The following ZNF410 variants were observed in gnomAD, a reference collection of about 807,000 sequenced individuals.
ZNF410 encodes zinc finger protein 410, also known as another partner for ARF 1.
ZNF410 carries 18 observed loss-of-function variants against 54.8 expected under a neutral mutation model. The ratio of observed to expected loss-of-function variants is 0.33; its 90% CI spans 0.23 to 0.49. The LOEUF is 0.49. Ranked by LOEUF, ZNF410 falls within the 20% of genes least tolerant of loss-of-function variation. The pLI is 0.99. For synonymous variants in ZNF410, 191 were observed against 207.3 expected (o/e 0.92, Z 0.68); for missense variants, 405 against 569.6 (o/e 0.71, Z 2.94).
chr14:73,891,711 G>A (rs559813252), intron 1 of ZNF410: 69 of 288,434 alleles, frequency 2.4e-4, no homozygotes, highest in African/African-American at 1.5e-3. Context: ...CCCTAATTGG[G>A]GGTGTGTGTG....
chr14:73,893,764 C>G (rs375512584), intron 2 of ZNF410, 33 bp from the exon 3 acceptor site: 1 of 1,577,510 alleles, frequency 6.3e-7, no homozygotes, highest in Non-Finnish European at 8.6e-7. Flanking sequence ...TCTAACAACT[C>G]GTATTTCTCA....
intron 5 of ZNF410, among the ~76,000 whole-genome samples, chr14:73,900,433 G>A (rs2055387917): frequency 6.7e-6 from 1 of 150,112 alleles, no homozygotes; most frequent in African/African-American, 2.5e-5. Context: ...GGAGTGCAGC[G>A]GCGCAATCTC....
At chr14:73,898,387 G>A in intron 5 of ZNF410, 125 bp downstream of exon 5, 1 of 1,060,690 alleles carries the variant, frequency 9.4e-7, no homozygotes, top group Non-Finnish European at 1.3e-6. Context: ...CTAGAAATCT[G>A]TAAATTGTTT....
chr14:73,910,146 G>GT (rs1024958254), intron 8 of ZNF410, among the ~76,000 whole-genome samples: 2 of 152,182 alleles, frequency 1.3e-5, no homozygotes, highest in African/African-American at 4.8e-5. Flanking sequence ...GGGGAAGGTA[G>GT]TTTAAGAAGG....
intron 5 of ZNF410, among the ~76,000 whole-genome samples, chr14:73,901,130 T>C (rs1385299426): frequency 1.3e-5 from 2 of 152,232 alleles, no homozygotes; most frequent in Non-Finnish European, 2.9e-5. Context: ...TAATTTTGCA[T>C]AAGATGTTGT....
intron 1 of ZNF410, chr14:73,887,400 C>G (rs970902176): frequency 6.6e-6 from 1 of 152,314 alleles, no homozygotes; most frequent in Non-Finnish European, 1.5e-5. Flanking sequence ...GCTGCCTACT[C>G]GGCTGGGCTG....
chr14:73,910,335 T>A (rs555456082), intron 8 of ZNF410, among the ~76,000 whole-genome samples: 41 of 152,224 alleles, frequency 2.7e-4, no homozygotes, highest in Non-Finnish European at 5.3e-4. Flanking sequence ...GCAGGGAGCA[T>A]GGAAAGAGAC....
Position 73,922,080 on chromosome 14 carries a change from G to T in ZNF410, c.1144G>T (p.Gly382Cys). 6.2e-7 allele frequency: 1 copy of T among 1,614,076 alleles called. No homozygotes were observed. The highest frequency in any genetic ancestry group is 8.5e-7 in the Non-Finnish European group (1 of 1,179,994). Residue 382 changes from glycine to cysteine, a missense_variant, in exon 10 of 12, where the codon GGC (glycine) becomes TGC (cysteine). This residue lies in a region of ZNF410 where 127 missense variants were observed against 141.3 expected (regional missense o/e 0.90). Coordinates refer to ENST00000555044, the MANE Select transcript of ZNF410 (RefSeq NM_021188.3). The part of the protein sequence containing the change: ...EQEQTAEPLM[G>C]SSLLEEASVP... ...TCTCTGTGCAGCTGAGCCACTAATG[G>T]GCAGTAGTTTGCTTGAAGAGGCTTC...
rs781366972 is a variant in ZNF410, at chr14:73,898,093, C to T, written c.411C>T (p.His137=). Residue 137 remains histidine, a synonymous_variant, in exon 5 of 12, where the codon CAC becomes CAT. Coordinates refer to ENST00000555044, the MANE Select transcript of ZNF410 (RefSeq NM_021188.3). ...CAGGTCTGGGCTCTTCAGCTGAGCA[C>T]TTAGTGTTTGTACAGGATGAGGCAG... ...TRAGLGSSAE[H]LVFVQDEAED... The T allele has an allele frequency of 1.2e-5, 19 of 1,613,770 alleles. No individual in the cohort carries two copies. The South Asian group carries it at 2.1e-4, about 18-fold the overall frequency.
intron 9 of ZNF410, chr14:73,921,369 AATCTG>A (rs2055752219): frequency 6.1e-6 from 2 of 329,090 alleles, no homozygotes; most frequent in Non-Finnish European, 1.1e-5. Flanking sequence ...AAGATCCTAG[AATCTG>A]TAGTTTTAAA....
At chr14:73,910,753 CAAAAAAA>C (rs755623044) in intron 8 of ZNF410, among the ~76,000 whole-genome samples, 1 of 70,838 alleles carries the variant, frequency 1.4e-5, no homozygotes, top group South Asian at 4.8e-4. Context: ...AACTCCGTCT[CAAAAAAA>C]AAAAAAAAAA....
At chr14:73,907,916 T>C (rs1468264964) in intron 7 of ZNF410, among the ~76,000 whole-genome samples, 1 of 151,166 alleles carries the variant, frequency 6.6e-6, no homozygotes, top group East Asian at 1.9e-4. Flanking sequence ...AAAAAGTAAA[T>C]CTGTTAATTC....
intron 8 of ZNF410, chr14:73,920,043 C>T (rs1467204929): frequency 6.6e-6 from 1 of 152,018 alleles, no homozygotes; most frequent in Non-Finnish European, 1.5e-5. Flanking sequence ...GAGTATTTCA[C>T]ATTTTGCTGC....
At chr14:73,930,070 C>T (rs1430531619) in intron 11 of ZNF410, among the ~76,000 whole-genome samples, 1 of 152,130 alleles carries the variant, frequency 6.6e-6, no homozygotes, top group Admixed American at 6.5e-5. Context: ...ATAAGAGATT[C>T]CCAGCTAGTT....
chr14:73,921,328 ACAAAG>A, intron 9 of ZNF410: 1 of 451,784 alleles, frequency 2.2e-6, no homozygotes, highest in Middle Eastern at 6.2e-4. Flanking sequence ...CACCAATAAA[ACAAAG>A]CAATCTGATA....
At chr14:73,895,621 T>C (rs1595386852) in intron 3 of ZNF410, among the ~76,000 whole-genome samples, 1 of 152,306 alleles carries the variant, frequency 6.6e-6, no homozygotes, top group African/African-American at 2.4e-5. Context: ...CATACAAGTA[T>C]AGATAAAAGT....
chr14:73,926,171 G>T (rs898689281), intron 11 of ZNF410, among the ~76,000 whole-genome samples: 2 of 152,100 alleles, frequency 1.3e-5, no homozygotes, highest in African/African-American at 4.8e-5. Context: ...TTCAGTATAT[G>T]CCTCTAACAA....
intron 3 of ZNF410, chr14:73,894,254 T>G (rs2055276088): frequency 1.5e-6 from 1 of 687,788 alleles, no homozygotes; most frequent in East Asian, 2.7e-5. Context: ...TGGATGAACA[T>G]CAGCAGAGTG....
chr14:73,904,390 A>G (rs2055450922), intron 6 of ZNF410, among the ~76,000 whole-genome samples: 2 of 152,326 alleles, frequency 1.3e-5, no homozygotes, highest in South Asian at 2.1e-4. Context: ...AAAAGTAACA[A>G]ATAAGCATGG....
Sources: allele counts gnomAD v4.1 joint callset (sites outside exome capture counted in the v4.1 genomes callset), GRCh38; gene constraint gnomAD v4.1.1; regional missense constraint gnomAD v4.1.1; transcripts MANE v1.5; gene names NCBI Gene and HGNC (gene_info 2026-07-23, HGNC 2026-07-21).